The following DNAH3 variants were observed in gnomAD, a reference collection of about 807,000 sequenced individuals.
DNAH3 encodes axonemal beta dynein heavy chain 3.
A neutral mutation model predicts 432.5 loss-of-function variants in DNAH3; 332 were observed. The ratio of observed to expected loss-of-function variants is 0.77; its 90% CI spans 0.70 to 0.84. DNAH3 has a LOEUF of 0.84. DNAH3 is among the 40% of genes least tolerant of loss of function. DNAH3 has a pLI of 0.00. For synonymous variants in DNAH3, 1,956 were observed against 1,900.2 expected (o/e 1.03, Z -0.76); for missense variants, 4,861 against 5,114.0 (o/e 0.95, Z 1.51).
intron 5 of DNAH3, among the ~76,000 whole-genome samples, chr16:21,138,044 T>G (rs544804002): frequency 1.3e-5 from 2 of 151,926 alleles, no homozygotes; most frequent in South Asian, 4.2e-4. Flanking sequence ...AGTCAGGAGT[T>G]TGAGACCAGC....
Position 21,027,266 on chromosome 16 carries a change from T to G in DNAH3, c.5440-139A>C, listed in dbSNP as rs2088617745. ...AGCACTTATGATGTCCCAGGCACTG[T>G]TATGCACTAACTCCTAGGTGCATAA... is the stretch of plus-strand genomic sequence containing the variant. On this transcript the variant is annotated intron_variant, in intron 37 of 61. Coordinates refer to ENST00000261383, the Ensembl canonical transcript of DNAH3. 7.8e-6 allele frequency: 5 copies of G among 643,356 alleles called. No homozygotes were observed. The East Asian group carries it at 1.4e-4, about 18-fold the overall frequency. 39.9% of individuals were successfully genotyped at this position (643,356 alleles called of 1,614,324 possible).
At chr16:20,940,678 C>T (rs2083773037) in intron 59 of DNAH3, among the ~76,000 whole-genome samples, 1 of 151,866 alleles carries the variant, frequency 6.6e-6, no homozygotes, top group African/African-American at 2.4e-5. Context: ...GTGATCCTCC[C>T]TACTCTGCTT....
chr16:21,085,527 C>CAAAAAAAA (rs34136946), intron 19 of DNAH3, among the ~76,000 whole-genome samples: 15 of 81,298 alleles, frequency 1.8e-4, no homozygotes, highest in East Asian at 3.7e-4. Context: ...GATTCCACCT[C>CAAAAAAAA]AAAAAAAAAA....
chr16:20,973,197 GTC>G (rs2085424132), intron 51 of DNAH3, among the ~76,000 whole-genome samples: 2 of 152,260 alleles, frequency 1.3e-5, no homozygotes, highest in African/African-American at 4.8e-5. Flanking sequence ...GCTCTGGAAA[GTC>G]AATTTACCAC....
chr16:21,037,968 C>G, exon 34 of DNAH3: 1 of 1,614,072 alleles, frequency 6.2e-7, no homozygotes. Context: ...TCGCAACGAT[C>G]TTCTGGGCGA....
intron 50 of DNAH3, among the ~76,000 whole-genome samples, chr16:20,975,727 G>C (rs892955934): frequency 6.6e-6 from 1 of 152,076 alleles, no homozygotes; most frequent in Non-Finnish European, 1.5e-5. Context: ...GGGGTAATGG[G>C]AGAGAGACAG....
rs750184108 is a variant in DNAH3 at position 20,963,455 on chromosome 16, G to A, written c.10429C>T (p.Arg3477Ter). The A allele has an allele frequency of 9.9e-6, 16 of 1,613,946 alleles. No individual in the cohort carries two copies. Among genetic ancestry groups the A allele is most frequent in the African/African-American group, 5.3e-5 (4 of 74,870 alleles). Residue 3477 changes from arginine to a stop codon, truncating the protein, a stop_gained, in exon 53 of 62, where the codon CGA becomes TGA. Coordinates refer to ENST00000261383, the Ensembl canonical transcript of DNAH3. LOFTEE classifies it high-confidence loss of function. ...ACCATTTTGTCAGGCCGCAAACATC[G>A]AAGGATCACCATCTTCTCCAATCCT...
At chr16:20,954,659 A>G (rs577784461) in intron 55 of DNAH3, among the ~76,000 whole-genome samples, 154 bp downstream of exon 55, 3 of 152,326 alleles carry the variant, frequency 2.0e-5, no homozygotes, top group South Asian at 4.1e-4. Context: ...ATCATTTAGT[A>G]TAAGTATGTT....
Position 21,117,281 on chromosome 16 carries a change from T to TTAAC in DNAH3, c.1732_1735dup (p.Asn579SerfsTer2), listed in dbSNP as rs1258344846. Reference sequence around the variant, plus strand: ...ATCAGAAACAAGTTTTTCTTCTGCGTTAACAGTTCCAAGGAGCAGATTATA... The same window carrying TTAAC: ...ATCAGAAACAAGTTTTTCTTCTGCGTTAACTAACAGTTCCAAGGAGCAGATTATA... On this transcript the variant is annotated stop_gained and frameshift_variant, in exon 12 of 62. Coordinates refer to ENST00000261383, the Ensembl canonical transcript of DNAH3. LOFTEE classifies it high-confidence loss of function. The TTAAC allele has an allele frequency of 1.2e-6, 2 of 1,611,924 alleles. No individual in the cohort carries two copies. Among genetic ancestry groups the TTAAC allele is most frequent in the Admixed American group, 3.4e-5 (2 of 59,306 alleles).
At chr16:21,118,240 C>CA (rs1393478535) in intron 11 of DNAH3, among the ~76,000 whole-genome samples, 1 of 152,124 alleles carries the variant, frequency 6.6e-6, no homozygotes, top group Admixed American at 6.6e-5. Context: ...CTCAGCCTCA[C>CA]AAAGTGCTGG....
chr16:21,158,070 CA>C (rs970334338), intron 1 of DNAH3, among the ~76,000 whole-genome samples: 1 of 152,128 alleles, frequency 6.6e-6, no homozygotes, highest in Non-Finnish European at 1.5e-5. Flanking sequence ...GATTTGGGGC[CA>C]GGGGAAACAG....
At chr16:21,020,042 A>G (rs1243255389) in intron 40 of DNAH3, among the ~76,000 whole-genome samples, 173 bp from the exon 41 acceptor site, 2 of 149,452 alleles carry the variant, frequency 1.3e-5, no homozygotes, top group Non-Finnish European at 3.0e-5. Flanking sequence ...TTTTTTTGAA[A>G]CAGGGTCTCA....
At chr16:20,936,664 G>A (rs368704299) in exon 60 of DNAH3, 8 of 1,599,202 alleles carry the variant, frequency 5.0e-6, no homozygotes, top group Admixed American at 3.4e-5. Flanking sequence ...AGAAGGTCAG[G>A]CGGGCCAGCA....
intron 44 of DNAH3, among the ~76,000 whole-genome samples, chr16:20,990,097 G>A (rs2086479619): frequency 6.6e-6 from 1 of 152,252 alleles, no homozygotes; most frequent in Non-Finnish European, 1.5e-5. Context: ...CCATAGTGCA[G>A]CGGTGGGCTG....
chr16:21,069,143 C>A (rs2090684851), intron 23 of DNAH3, among the ~76,000 whole-genome samples: 1 of 151,976 alleles, frequency 6.6e-6, no homozygotes, highest in Admixed American at 6.6e-5. Context: ...CGGTGTTTCA[C>A]CATGTTGGCC....
chr16:20,937,486 A>C (rs2083635985), intron 59 of DNAH3, among the ~76,000 whole-genome samples: 1 of 151,750 alleles, frequency 6.6e-6, no homozygotes, highest in Non-Finnish European at 1.5e-5. Flanking sequence ...GTCAAAGAGC[A>C]CGCACAGTTT....
intron 15 of DNAH3, 92 bp from the exon 16 acceptor site, chr16:21,104,686 A>C (rs2091908959): frequency 1.4e-6 from 1 of 732,928 alleles, no homozygotes; most frequent in Admixed American, 2.0e-5. Flanking sequence ...AGAGGTCAAC[A>C]GGAGTGGTGT....
At chr16:20,993,842 CCTGG>C (rs1293768734) in intron 44 of DNAH3, among the ~76,000 whole-genome samples, 2 of 152,090 alleles carry the variant, frequency 1.3e-5, no homozygotes, top group African/African-American at 2.4e-5. Flanking sequence ...TGCCACAACA[CCTGG>C]CTAATTTATT....
intron 53 of DNAH3, among the ~76,000 whole-genome samples, chr16:20,961,265 C>T (rs1182453433): frequency 6.6e-6 from 1 of 151,960 alleles, no homozygotes; most frequent in South Asian, 2.1e-4. Flanking sequence ...AGGGTCTTTG[C>T]GGAGGCAAAG....
Sources: allele counts gnomAD v4.1 joint callset (sites outside exome capture counted in the v4.1 genomes callset), GRCh38; gene constraint gnomAD v4.1.1; transcripts MANE v1.5; gene names NCBI Gene and HGNC (gene_info 2026-07-23, HGNC 2026-07-21).